CERS6: variants seen among roughly 807,000 people sequenced by gnomAD.
CERS6 encodes the protein LAG1 homolog, ceramide synthase 6.
CERS6 carries 26 observed loss-of-function variants against 56.8 expected under a neutral mutation model. The observed-to-expected ratio is 0.46, with a 90% CI of 0.34 to 0.63. The LOEUF (loss-of-function observed/expected upper bound fraction) is 0.63. Among genes scored for constraint, CERS6 ranks in the 30% least tolerant of loss-of-function variants. The pLI is 0.01. For missense variants in CERS6, 415 were observed against 467.5 expected (o/e 0.89, Z 1.04); for synonymous variants, 164 against 173.3 (o/e 0.95, Z 0.42).
intron 1 of CERS6, among the ~76,000 whole-genome samples, chr2:168,538,241 CAAA>C (rs59857969): frequency 1.1e-4 from 11 of 98,812 alleles, no homozygotes; most frequent in Non-Finnish European, 1.7e-4. Flanking sequence ...GTGTAAAAAC[CAAA>C]AAAAAAAAAA....
intron 3 of CERS6, among the ~76,000 whole-genome samples, chr2:168,611,214 A>G (rs561249238): frequency 8.5e-5 from 13 of 152,330 alleles, no homozygotes; most frequent in African/African-American, 3.1e-4. Context: ...AAATCTGACA[A>G]CACTTGAGTT....
chr2:168,677,591 A>T (rs915647548), intron 4 of CERS6, among the ~76,000 whole-genome samples: 1 of 152,072 alleles, frequency 6.6e-6, no homozygotes. Context: ...TCCACCTCCC[A>T]GGTTCAAGTG....
intron 1 of CERS6, among the ~76,000 whole-genome samples, chr2:168,527,211 C>T (rs6760675): frequency 0.76 from 116,327 of 152,148 alleles, 44,556 homozygotes; most frequent in South Asian, 0.88. Flanking sequence ...TATTTAAAAA[C>T]AGACTTTATT....
intron 8 of CERS6, among the ~76,000 whole-genome samples, chr2:168,724,009 G>T (rs1369501780): frequency 6.6e-6 from 1 of 152,162 alleles, no homozygotes; most frequent in East Asian, 1.9e-4. Flanking sequence ...TTCCTAATGT[G>T]TCCAGAATTG....
intron 3 of CERS6, among the ~76,000 whole-genome samples, chr2:168,572,847 C>G (rs1201671418): frequency 6.6e-6 from 1 of 152,158 alleles, no homozygotes; most frequent in South Asian, 2.1e-4. Context: ...TTCATCCCCA[C>G]CACTCAGCAC....
At chr2:168,646,757 T>C (rs1410534469) in intron 4 of CERS6, among the ~76,000 whole-genome samples, 2 of 152,248 alleles carry the variant, frequency 1.3e-5, no homozygotes, top group East Asian at 3.8e-4. Context: ...TCTCTGCATA[T>C]GGCTAGCCAG....
At chr2:168,645,978 G>T (rs186199991) in intron 4 of CERS6, among the ~76,000 whole-genome samples, 18 of 152,196 alleles carry the variant, frequency 1.2e-4, no homozygotes, top group African/African-American at 4.3e-4. Context: ...CTTTGCTATT[G>T]CAAATAGGGC....
chr2:168,559,575 G>A (rs1193780524), intron 2 of CERS6, among the ~76,000 whole-genome samples: 2 of 151,130 alleles, frequency 1.3e-5, no homozygotes, highest in African/African-American at 4.9e-5. Flanking sequence ...AATCTAATCC[G>A]AGAGGTTCAC....
At chr2:168,468,302 T>C (rs979322683) in intron 1 of CERS6, among the ~76,000 whole-genome samples, 1 of 152,192 alleles carries the variant, frequency 6.6e-6, no homozygotes, top group Non-Finnish European at 1.5e-5. Context: ...CTTCCCCTGG[T>C]CTAGCCCCAG....
intron 4 of CERS6, among the ~76,000 whole-genome samples, chr2:168,658,831 A>G (rs1231081151): frequency 1.1e-5 from 1 of 88,388 alleles, no homozygotes; most frequent in Non-Finnish European, 2.4e-5. Flanking sequence ...TTCCAGAGCC[A>G]TGCTATTAAA....
At chr2:168,596,557 T>TA (rs1328134913) in intron 3 of CERS6, among the ~76,000 whole-genome samples, 2 of 115,296 alleles carry the variant, frequency 1.7e-5, no homozygotes, top group African/African-American at 8.1e-5. Context: ...CCCCCCCCCT[T>TA]TTTTTTTTTT....
intron 3 of CERS6, among the ~76,000 whole-genome samples, chr2:168,617,215 C>G (rs1197301762): frequency 1.3e-5 from 2 of 152,082 alleles, no homozygotes; most frequent in African/African-American, 4.8e-5. Context: ...GTCAAAACCT[C>G]TGGGATACAG....
intron 8 of CERS6, among the ~76,000 whole-genome samples, chr2:168,761,883 TAATA>T (rs1684592204): frequency 2.0e-5 from 3 of 152,088 alleles, no homozygotes; most frequent in South Asian, 4.1e-4. Context: ...TTGTATTTAT[TAATA>T]AATATTTATT....
chr2:168,683,571 G>A (rs1338690374), intron 4 of CERS6, among the ~76,000 whole-genome samples: 1 of 152,000 alleles, frequency 6.6e-6, no homozygotes, highest in African/African-American at 2.4e-5. Flanking sequence ...ATTCTACATT[G>A]GCCTGCACAT....
At chr2:168,650,932 G>A (rs1005576469) in intron 4 of CERS6, among the ~76,000 whole-genome samples, 3 of 152,026 alleles carry the variant, frequency 2.0e-5, no homozygotes, top group Admixed American at 1.3e-4. Flanking sequence ...TTTTCCTTCT[G>A]CTTTTAGGAT....
chr2:168,561,210 T>C lies in CERS6; in HGVS notation c.295T>C (p.Leu99=). The part of the protein sequence containing the change: ...AITKHPDEKR[L]EGLSKQLDWD... ...TTCATAGCATCCTGATGAAAAGAGA[T>C]TGGAAGGCCTCTCCAAGCAACTGGA... is the stretch of plus-strand genomic sequence containing the variant. The change falls in exon 3 of 10, where the codon TTG becomes CTG. Residue 99 remains leucine, a synonymous_variant. Transcript: ENST00000305747. 6.2e-7 allele frequency: 1 copy of C among 1,613,964 alleles called. No homozygotes were observed.
chr2:168,561,045 G>A (rs930406251), intron 2 of CERS6, 147 bp from the exon 3 acceptor site: 6 of 712,208 alleles, frequency 8.4e-6, no homozygotes, highest in Non-Finnish European at 1.3e-5. Context: ...GGAAGGCCTC[G>A]GTCCTCAGAG....
intron 1 of CERS6, among the ~76,000 whole-genome samples, chr2:168,486,524 GTTT>G (rs760111727): frequency 1.7e-5 from 2 of 120,108 alleles, no homozygotes; most frequent in Non-Finnish European, 1.7e-5. Flanking sequence ...ATTTGGTTTT[GTTT>G]TTTTTTTTTT....
At chr2:168,580,619 A>G (rs1292788096) in intron 3 of CERS6, among the ~76,000 whole-genome samples, 2 of 151,948 alleles carry the variant, frequency 1.3e-5, no homozygotes, top group Non-Finnish European at 2.9e-5. Flanking sequence ...TTTTGTTTTT[A>G]ATTCATTTTT....
Sources: gnomAD v4.1 joint callset for allele counts (sites outside exome capture counted in the v4.1 genomes callset) on GRCh38, gnomAD v4.1.1 for gene constraint, MANE v1.5 for transcripts, NCBI Gene and HGNC (gene_info 2026-07-23, HGNC 2026-07-21) for gene names.